The following CYRIA variants were observed in gnomAD, a reference collection of about 807,000 sequenced individuals.
The protein encoded by CYRIA is CYFIP related Rac1 interactor A, also known as CYFIP-related Rac1 interactor A.
CYRIA carries 15 observed loss-of-function variants against 43.9 expected under a neutral mutation model. The ratio of observed to expected loss-of-function variants is 0.34; its 90% CI spans 0.23 to 0.53. The LOEUF (loss-of-function observed/expected upper bound fraction) is 0.53, where lower values mean the gene tolerates loss of function less well. Among genes scored for constraint, CYRIA ranks in the 20% least tolerant of loss-of-function variants. The pLI is 0.94. For synonymous variants in CYRIA, 117 were observed against 136.0 expected, an observed-to-expected ratio of 0.86 and a Z score of 0.97; for missense variants, 236 against 394.2, an observed-to-expected ratio of 0.60 and a Z score of 3.40.
In CYRIA at chr2:16,628,728, G is replaced by C. The variant is rs116185213; in HGVS notation, c.-166-4709C>G. Among the ~76,000 whole-genome samples the C allele has an allele frequency of 5.7e-3, 873 of 152,290 alleles. 3 individuals are homozygous for C. Among genetic ancestry groups the C allele is most frequent in the Non-Finnish European group, 8.2e-3 (556 of 68,032 alleles). On this transcript the variant is annotated intron_variant, in intron 1 of 11. Transcript: ENST00000381323. ...CCGAATACAATCCACACTCCCACAG[G>C]CTGGTTATTTTTATGTCCAGTTGTG... is the stretch of plus-strand genomic sequence containing the variant.
At chr2:16,616,280 C>T (rs1462323460) in intron 2 of CYRIA, among the ~76,000 whole-genome samples, 1 of 152,204 alleles carries the variant, frequency 6.6e-6, no homozygotes, top group Non-Finnish European at 1.5e-5. Context: ...ACTGAAAAGG[C>T]TTCAAGTAGA....
intron 2 of CYRIA, chr2:16,622,947 C>T (rs1235450249): frequency 2.0e-5 from 3 of 152,238 alleles, no homozygotes; most frequent in African/African-American, 7.2e-5. Context: ...ACCTTCTGTC[C>T]TGTGCTTAGC....
At chr2:16,620,913 C>T (rs984518769) in intron 2 of CYRIA, among the ~76,000 whole-genome samples, 2 of 152,160 alleles carry the variant, frequency 1.3e-5, no homozygotes, top group Non-Finnish European at 2.9e-5. Flanking sequence ...GGCTACATCT[C>T]ATCTCCAGGA....
At chr2:16,574,339 T>C (rs1667249020) in intron 3 of CYRIA, among the ~76,000 whole-genome samples, 1 of 152,126 alleles carries the variant, frequency 6.6e-6, no homozygotes, top group African/African-American at 2.4e-5. Flanking sequence ...AAACAGAGCA[T>C]AAAAGTTTGG....
intron 1 of CYRIA, among the ~76,000 whole-genome samples, chr2:16,648,158 T>C (rs1198038260): frequency 6.6e-6 from 1 of 152,054 alleles, no homozygotes; most frequent in Non-Finnish European, 1.5e-5. Flanking sequence ...GTGTCCCAGG[T>C]GGTTTTATCT....
chr2:16,634,624 T>C (rs11096686), intron 1 of CYRIA, among the ~76,000 whole-genome samples: 50,194 of 152,122 alleles, frequency 0.33, 12,515 homozygotes, highest in African/African-American at 0.66. Flanking sequence ...TCTTACCAGG[T>C]GACTGCTTTC....
chr2:16,642,328 C>T (rs965247441), intron 1 of CYRIA, among the ~76,000 whole-genome samples: 3 of 152,182 alleles, frequency 2.0e-5, no homozygotes, highest in African/African-American at 7.2e-5. Flanking sequence ...CAGCTAATGA[C>T]AATTCCATCC....
chr2:16,647,018 G>T (rs1669840145), intron 1 of CYRIA, among the ~76,000 whole-genome samples: 1 of 152,168 alleles, frequency 6.6e-6, no homozygotes, highest in African/African-American at 2.4e-5. Flanking sequence ...GGACATCTGA[G>T]CCCCTATAAC....
chr2:16,635,092 T>C (rs1451720989), intron 1 of CYRIA, among the ~76,000 whole-genome samples: 1 of 152,142 alleles, frequency 6.6e-6, no homozygotes, highest in Non-Finnish European at 1.5e-5. Flanking sequence ...AAAGAGCACT[T>C]TGGTAAATGT....
At chr2:16,633,148 A>G (rs1669378853) in intron 1 of CYRIA, among the ~76,000 whole-genome samples, 1 of 152,208 alleles carries the variant, frequency 6.6e-6, no homozygotes, top group African/African-American at 2.4e-5. Flanking sequence ...GCCATCCTTT[A>G]TGTTAACTCC....
chr2:16,554,645 A>C (rs984041049), intron 11 of CYRIA, among the ~76,000 whole-genome samples: 13 of 152,184 alleles, frequency 8.5e-5, no homozygotes, highest in African/African-American at 2.4e-4. Flanking sequence ...AGAATCACAC[A>C]GAGTGTTTTC....
chr2:16,614,477 G>C (rs1668712823), intron 2 of CYRIA, among the ~76,000 whole-genome samples: 1 of 152,192 alleles, frequency 6.6e-6, no homozygotes, highest in African/African-American at 2.4e-5. Flanking sequence ...CCTGTCGTCG[G>C]GGTTCCCAGG....
At chr2:16,613,503 G>C (rs1216188118) in intron 2 of CYRIA, among the ~76,000 whole-genome samples, 2 of 149,908 alleles carry the variant, frequency 1.3e-5, no homozygotes, top group African/African-American at 5.1e-5. Flanking sequence ...AGCGCTACAT[G>C]CAAATGCCCT....
chr2:16,626,487 A>G (rs1428171373), intron 1 of CYRIA, among the ~76,000 whole-genome samples: 2 of 152,138 alleles, frequency 1.3e-5, no homozygotes, highest in Non-Finnish European at 2.9e-5. Context: ...GCAACCACAA[A>G]GGCTCGCCAA....
chr2:16,649,363 C>T (rs560519621), intron 1 of CYRIA, among the ~76,000 whole-genome samples: 49 of 151,664 alleles, frequency 3.2e-4, no homozygotes, highest in Middle Eastern at 6.8e-3. Context: ...GTACAGGGGA[C>T]GGTTGTACAC....
chr2:16,577,279 G>A lies in CYRIA; in HGVS notation c.70+10771C>T, dbSNP rs555745859. ...TTAAATGCCATTTGAGAAAATCAGA[G>A]AAATATCTATACATACTATATATTA... On this transcript the variant is annotated intron_variant, in intron 3 of 11. Transcript: ENST00000381323. Among the ~76,000 whole-genome samples the A allele has an allele frequency of 3.9e-5, 6 of 151,986 alleles. No individual in the cohort carries two copies. The East Asian group carries it at 1.2e-3, about 29-fold the overall frequency.
chr2:16,565,694 G>C lies in CYRIA; in HGVS notation c.144C>G (p.Ile48Met), dbSNP rs868421855. Residue 48 changes from isoleucine to methionine, a missense_variant, in exon 4 of 12, where the codon ATC becomes ATG. Coordinates refer to ENST00000381323, the MANE Select transcript of CYRIA (RefSeq NM_030797.4). The stretch of plus-strand genomic sequence containing the variant: ...CTTTGTAAGCCTGCAGGTCTGCAAG[G>C]ATGCTCTCAGAATCCTGAAGGACGG... The part of the protein sequence containing the change: ...ISAVLQDSES[I>M]LADLQAYKGA... The C allele has an allele frequency of 2.5e-6, 4 of 1,594,108 alleles. No individual in the cohort carries two copies. In the Admixed American group the frequency reaches 5.0e-5, roughly 20 times the overall value.
chr2:16,619,824 A>C (rs887730397), intron 2 of CYRIA, among the ~76,000 whole-genome samples: 1 of 152,198 alleles, frequency 6.6e-6, no homozygotes. Context: ...ATGACAGAGA[A>C]ATGAATGTTG....
chr2:16,600,913 T>G (rs1668183220), intron 2 of CYRIA, among the ~76,000 whole-genome samples: 1 of 152,194 alleles, frequency 6.6e-6, no homozygotes, highest in Non-Finnish European at 1.5e-5. Context: ...TAGAGTCACA[T>G]TTGACATTGA....
Sources: gnomAD v4.1 joint callset for allele counts (sites outside exome capture counted in the v4.1 genomes callset) on GRCh38, gnomAD v4.1.1 for gene constraint, MANE v1.5 for transcripts, NCBI Gene and HGNC (gene_info 2026-07-23, HGNC 2026-07-21) for gene names.